CIMAP3: variants seen among roughly 807,000 people sequenced by gnomAD.
CIMAP3 encodes ciliary microtubule associated protein 3, also known as ciliary microtubule-associated protein 3.
the CIMAP3 span, chr1:111,324,782 C>T: frequency 5.6e-5 from 55 of 985,286 alleles, no homozygotes; most frequent in East Asian, 4.1e-3. Flanking sequence ...TTGCCCAGAA[C>T]GACTGAGGAA....
At chr1:111,351,535 C>A in the CIMAP3 span, 1 of 394,522 alleles carries the variant, frequency 2.5e-6, no homozygotes, top group Non-Finnish European at 4.5e-6. Context: ...TGTACACGTG[C>A]ATGTCTGGGT....
chr1:111,333,778 T>A, the CIMAP3 span, among the ~76,000 whole-genome samples: 1 of 152,192 alleles, frequency 6.6e-6, no homozygotes, highest in African/African-American at 2.4e-5. Flanking sequence ...TGGTCAAATC[T>A]TAGCTGTTTA....
chr1:111,325,002 G>A, the CIMAP3 span: 1 of 581,658 alleles, frequency 1.7e-6, no homozygotes, highest in Non-Finnish European at 2.2e-6. Flanking sequence ...CAAGTTCTCT[G>A]ATTCTGGATG....
At chr1:111,344,896 G>C in the CIMAP3 span, among the ~76,000 whole-genome samples, 1 of 152,126 alleles carries the variant, frequency 6.6e-6, no homozygotes, top group Non-Finnish European at 1.5e-5. Flanking sequence ...CCCTATACAG[G>C]TGTACCATTT....
At chr1:111,351,605 C>A in the CIMAP3 span, 1 of 278,846 alleles carries the variant, frequency 3.6e-6, no homozygotes, top group East Asian at 6.4e-5. Flanking sequence ...TATTTGTGGG[C>A]CCCTGCTCTC....
the CIMAP3 span, among the ~76,000 whole-genome samples, chr1:111,334,113 C>T: frequency 6.6e-6 from 1 of 152,112 alleles, no homozygotes; most frequent in South Asian, 2.1e-4. Context: ...TCACAAAGTA[C>T]CTTGAAAATA....
chr1:111,345,725 C>T, the CIMAP3 span, among the ~76,000 whole-genome samples: 1 of 152,162 alleles, frequency 6.6e-6, no homozygotes, highest in African/African-American at 2.4e-5. Context: ...TTCTGTTAAC[C>T]TCTAACACCT....
the CIMAP3 span, chr1:111,347,618 C>CTTTTTTTTTTTTTTTTTTTTGTTTTT: frequency 1.1e-6 from 1 of 928,432 alleles, no homozygotes; most frequent in East Asian, 2.7e-5. Flanking sequence ...GTTGTTTTTT[C>CTTTTTTTTTTTTTTTTTTTTGTTTTT]TTTCTTTTTT....
At chr1:111,344,020 T>G in the CIMAP3 span, among the ~76,000 whole-genome samples, 2 of 152,350 alleles carry the variant, frequency 1.3e-5, no homozygotes, top group Non-Finnish European at 2.9e-5. Context: ...TTAAAGTCCA[T>G]GTTTAATGAC....
At chr1:111,351,378 C>A in the CIMAP3 span, 2 of 1,410,624 alleles carry the variant, frequency 1.4e-6, no homozygotes, top group Non-Finnish European at 1.9e-6. Context: ...CTCTCCAGGA[C>A]TGAGGACAGA....
the CIMAP3 span, among the ~76,000 whole-genome samples, chr1:111,332,240 T>A: frequency 1.3e-5 from 2 of 152,164 alleles, no homozygotes; most frequent in Non-Finnish European, 2.9e-5. Context: ...GGCTTCTTGG[T>A]TGGTCTGAGG....
chr1:111,348,358 T>C, the CIMAP3 span: 50 of 689,434 alleles, frequency 7.3e-5, no homozygotes, highest in Non-Finnish European at 1.1e-4. Flanking sequence ...ATCTCGGTTT[T>C]CTACCTACCG....
chr1:111,335,532 C>T, the CIMAP3 span, among the ~76,000 whole-genome samples: 6 of 152,212 alleles, frequency 3.9e-5, no homozygotes, highest in Admixed American at 2.0e-4. Context: ...TAAAAAACAG[C>T]GCACCAGGAG....
chr1:111,330,127 ATCC>A, the CIMAP3 span, among the ~76,000 whole-genome samples: 2 of 152,092 alleles, frequency 1.3e-5, no homozygotes, highest in Non-Finnish European at 2.9e-5. Context: ...GGGTTTTGCT[ATCC>A]TCCTGAATCT....
chr1:111,325,496 T>G, the CIMAP3 span, among the ~76,000 whole-genome samples: 1 of 152,202 alleles, frequency 6.6e-6, no homozygotes, highest in Non-Finnish European at 1.5e-5. Context: ...TTCTCCAGAA[T>G]AGAGATCTCT....
At chr1:111,350,782 C>T in the CIMAP3 span, among the ~76,000 whole-genome samples, 10 of 152,262 alleles carry the variant, frequency 6.6e-5, no homozygotes, top group Non-Finnish European at 1.0e-4. Flanking sequence ...AGAATCAATC[C>T]GATAAGGTTA....
chr1:111,351,166 GTTTTTTTTT>G, the CIMAP3 span: 10 of 574,700 alleles, frequency 1.7e-5, no homozygotes, highest in East Asian at 1.4e-4. Flanking sequence ...ATAATGTACA[GTTTTTTTTT>G]TTTTTTTTTT....
the CIMAP3 span, chr1:111,346,520 TGGAC>T: frequency 7.0e-7 from 1 of 1,423,886 alleles, no homozygotes; most frequent in East Asian, 2.5e-5. Context: ...AGTGGCTCGG[TGGAC>T]GCCCCAACTT....
the CIMAP3 span, among the ~76,000 whole-genome samples, chr1:111,338,354 A>C: frequency 6.6e-6 from 1 of 151,878 alleles, no homozygotes; most frequent in Non-Finnish European, 1.5e-5. Context: ...ATCAGAGCAG[A>C]ACTGAAGGAA....
Sources: gnomAD v4.1 joint callset for allele counts (sites outside exome capture counted in the v4.1 genomes callset) on GRCh38, gnomAD v4.1.1 for gene constraint, MANE v1.5 for transcripts, NCBI Gene and HGNC (gene_info 2026-07-23, HGNC 2026-07-21) for gene names.